Variants in MSRA observed in about 807,000 individuals in gnomAD.
MSRA encodes the protein mitochondrial peptide methionine sulfoxide reductase.
Under a neutral mutation model 31.3 loss-of-function variants are expected in MSRA, and 54 were observed. The ratio of observed to expected loss-of-function variants is 1.73; its 90% CI spans 1.39 to 2.17. The LOEUF is 2.17. Among genes scored for constraint, MSRA ranks in the 30% most tolerant of loss-of-function variants. MSRA has a pLI of 0.00. For missense variants in MSRA, 507 were observed against 300.9 expected (o/e 1.69, Z -5.07); for synonymous variants, 169 against 116.5 (o/e 1.45, Z -2.90).
chr8:10,402,582 C>T (rs1249865392), intron 5 of MSRA, among the ~76,000 whole-genome samples: 2 of 152,174 alleles, frequency 1.3e-5, no homozygotes, highest in Non-Finnish European at 2.9e-5. Flanking sequence ...CTCTATAGCA[C>T]GCATTTCCAA....
intron 1 of MSRA, among the ~76,000 whole-genome samples, chr8:10,200,796 A>T (rs546231216): frequency 5.3e-5 from 8 of 151,764 alleles, no homozygotes; most frequent in African/African-American, 1.7e-4. Context: ...CCAGAACCTC[A>T]GTGCCCCTGG....
intron 1 of MSRA, among the ~76,000 whole-genome samples, chr8:10,108,674 C>T (rs1251104473): frequency 6.6e-6 from 1 of 152,210 alleles, no homozygotes; most frequent in Non-Finnish European, 1.5e-5. Context: ...GGCTGTTTCC[C>T]ATTAGATTCT....
chr8:10,233,407 AT>A (rs1277112557), intron 2 of MSRA, among the ~76,000 whole-genome samples: 1 of 152,266 alleles, frequency 6.6e-6, no homozygotes, highest in Non-Finnish European at 1.5e-5. Flanking sequence ...ACTCGAGTTA[AT>A]TTTTTATAAC....
intron 1 of MSRA, among the ~76,000 whole-genome samples, chr8:10,138,087 T>C (rs1401064887): frequency 6.6e-6 from 1 of 152,186 alleles, no homozygotes; most frequent in Non-Finnish European, 1.5e-5. Flanking sequence ...AATAAGAGCC[T>C]TGGCTTCTTG....
chr8:10,230,342 G>A (rs1020464351), intron 2 of MSRA, among the ~76,000 whole-genome samples: 2 of 152,200 alleles, frequency 1.3e-5, no homozygotes, highest in African/African-American at 4.8e-5. Flanking sequence ...GCACTGGGTG[G>A]ATGGGCAGGG....
chr8:10,058,226 G>C (rs2128910718), intron 1 of MSRA, among the ~76,000 whole-genome samples: 1 of 152,168 alleles, frequency 6.6e-6, no homozygotes, highest in Middle Eastern at 3.4e-3. Flanking sequence ...GTAGAACAAT[G>C]TATTAATCCA....
chr8:10,135,250 G>A lies in MSRA; in HGVS notation c.143-72583G>A, dbSNP rs143457045. On this transcript the variant is annotated intron_variant, in intron 1 of 5. Transcript: ENST00000317173. ...GGCCATGCCCTCTGTGACATTGGGG[G>A]TTGCCTATTTTATAGAGAGGCAGAG... Among the ~76,000 whole-genome samples the A allele has an allele frequency of 5.5e-3, 845 of 152,336 alleles. 12 individuals carry two copies. The highest frequency in any genetic ancestry group is 0.018 in the African/African-American group (768 of 41,568).
Position 10,171,412 on chromosome 8 carries a change from C to G in MSRA, c.143-36421C>G, listed in dbSNP as rs62488742. ...CAGAGCTTTAAGGAAATGAACAGCT[C>G]TCTACATTTTCTTGTATTTGTAGCA... On this transcript the variant is annotated intron_variant, in intron 1 of 5. Transcript: ENST00000317173. Among the ~76,000 whole-genome samples, 808 of 148,940 alleles carry G rather than the reference C, an allele frequency of 5.4e-3. 3 individuals carry two copies. The highest frequency in any genetic ancestry group is 0.01 in the Middle Eastern group (3 of 290).
At chr8:10,356,005 C>T (rs1270360902) in intron 5 of MSRA, among the ~76,000 whole-genome samples, 1 of 152,144 alleles carries the variant, frequency 6.6e-6, no homozygotes, top group Non-Finnish European at 1.5e-5. Context: ...TACGTGGTAC[C>T]ACAGTCAGAG....
intron 5 of MSRA, among the ~76,000 whole-genome samples, chr8:10,407,898 T>C (rs1284840347): frequency 6.6e-6 from 1 of 152,220 alleles, no homozygotes; most frequent in African/African-American, 2.4e-5. Context: ...ATTCTGAGAA[T>C]TTCATTAAGG....
At chr8:10,075,008 C>T (rs1005498844) in intron 1 of MSRA, among the ~76,000 whole-genome samples, 2 of 152,174 alleles carry the variant, frequency 1.3e-5, no homozygotes, top group Non-Finnish European at 2.9e-5. Flanking sequence ...CCCATTACTG[C>T]CAACCCATTT....
intron 5 of MSRA, among the ~76,000 whole-genome samples, chr8:10,345,257 T>A (rs1803697305): frequency 6.6e-6 from 1 of 152,144 alleles, no homozygotes; most frequent in South Asian, 2.1e-4. Flanking sequence ...AGGTGTGATT[T>A]GTCGAGGCTG....
At chr8:10,421,282 C>T (rs955173369) in intron 5 of MSRA, among the ~76,000 whole-genome samples, 1 of 152,162 alleles carries the variant, frequency 6.6e-6, no homozygotes, top group Non-Finnish European at 1.5e-5. Context: ...CTTCCCTGTC[C>T]TCAGCTGAGA....
intron 5 of MSRA, among the ~76,000 whole-genome samples, chr8:10,378,033 G>A (rs773020814): frequency 3.0e-4 from 45 of 152,212 alleles, no homozygotes; most frequent in Non-Finnish European, 5.1e-4. Flanking sequence ...AAAAGGCCCC[G>A]GGTGGCCAGG....
rs947288774 is a variant in MSRA at position 10,116,164 on chromosome 8, T to C, written c.142+61506T>C. ...TGACACTAAAACTCAAGTTAGATTATGGCAAGCTTGTCCAACCCGTGGGCC... is the reference window on the plus strand; with the variant it reads ...TGACACTAAAACTCAAGTTAGATTACGGCAAGCTTGTCCAACCCGTGGGCC... On this transcript the variant is annotated intron_variant, in intron 1 of 5. Transcript: ENST00000317173. Among the ~76,000 whole-genome samples, 13 of 152,352 alleles carry C rather than the reference T, an allele frequency of 8.5e-5. No homozygotes were observed. In the East Asian group the frequency reaches 2.5e-3, roughly 29 times the overall value.
At chr8:10,322,594 G>A (rs1276175672) in intron 5 of MSRA, among the ~76,000 whole-genome samples, 1 of 152,162 alleles carries the variant, frequency 6.6e-6, no homozygotes, top group East Asian at 1.9e-4. Flanking sequence ...CCAAGGGGCT[G>A]TTTGGAGGAG....
At position 10,363,738 on chromosome 8, in the gene MSRA, CCA is replaced by C. The variant is rs71203319; in HGVS notation, c.543+43789_543+43790del. On this transcript the variant is annotated intron_variant, in intron 5 of 5. Coordinates refer to ENST00000317173, the MANE Select transcript of MSRA (RefSeq NM_012331.5). ...TGGGCAACCAAGCAAGATGCAGTCA[CCA>C]CACACACACACACACACACACACAC... is the stretch of plus-strand genomic sequence containing the variant. 4.5e-3 allele frequency among the ~76,000 whole-genome samples: 462 copies of C among 103,342 alleles called. 4 individuals carry two copies. The highest frequency in any genetic ancestry group is 0.012 in the South Asian group (26 of 2,170). 67.8% of individuals were successfully genotyped at this position (103,342 alleles called of 152,430 possible).
intron 1 of MSRA, chr8:10,059,105 A>G (rs1802558084): frequency 6.6e-6 from 1 of 152,248 alleles, no homozygotes; most frequent in Admixed American, 6.5e-5. Context: ...TAAAGGTGGT[A>G]TCTCAAGTCA....
intron 5 of MSRA, chr8:10,337,753 A>G (rs764514550): frequency 2.8e-6 from 2 of 702,656 alleles, no homozygotes; most frequent in South Asian, 3.0e-5. Flanking sequence ...GGCTCACTGC[A>G]GCCTCCTCTG....
Sources: allele counts gnomAD v4.1 joint callset (sites outside exome capture counted in the v4.1 genomes callset), GRCh38; gene constraint gnomAD v4.1.1; transcripts MANE v1.5; gene names NCBI Gene and HGNC (gene_info 2026-07-23, HGNC 2026-07-21).